The following CHL1 variants were observed in gnomAD, a reference collection of about 807,000 sequenced individuals.
CHL1 encodes the protein cell adhesion molecule L1 like, also known as neural cell adhesion molecule L1-like protein.
A neutral mutation model predicts 141.9 loss-of-function variants in CHL1; 96 were observed. That is an observed-to-expected ratio of 0.68 (90% CI 0.57 to 0.80). CHL1 has a LOEUF of 0.80. Ranked by LOEUF, CHL1 falls within the 30% of genes least tolerant of loss-of-function variation. The pLI is 0.00. For missense variants in CHL1, 1,820 were observed against 1,457.2 expected (o/e 1.25, Z -4.05); for synonymous variants, 613 against 502.2 (o/e 1.22, Z -2.95).
intron 2 of CHL1, among the ~76,000 whole-genome samples, chr3:276,421 G>A (rs1038568082): frequency 4.6e-5 from 7 of 152,154 alleles, no homozygotes; most frequent in African/African-American, 1.7e-4. Context: ...TTGGAAGAAA[G>A]CTGGTGTTTT....
intron 2 of CHL1, among the ~76,000 whole-genome samples, chr3:259,464 A>G (rs574399977): frequency 6.6e-6 from 1 of 152,228 alleles, no homozygotes; most frequent in South Asian, 2.1e-4. Flanking sequence ...GAAGCTAGGC[A>G]TCAATTTTAT....
rs564350302 is a variant in CHL1, at chr3:407,605, A to T, written c.*1894A>T. 1 of 152,176 alleles carries T rather than the reference A, an allele frequency of 6.6e-6. No individual in the cohort carries two copies. Among genetic ancestry groups the T allele is most frequent in the Admixed American group, 6.6e-5 (1 of 15,266 alleles). 9.4% of individuals were successfully genotyped at this position (152,176 alleles called of 1,614,324 possible). On this transcript the variant is annotated 3_prime_UTR_variant, in exon 28 of 28. Coordinates refer to ENST00000256509, the MANE Select transcript of CHL1 (RefSeq NM_006614.4). ...CCAGTTTTCTGGAGGGACAGTCATC[A>T]TGTTTTGATTTATCTGGGAGAAAAC...
intron 1 of CHL1, among the ~76,000 whole-genome samples, chr3:238,481 A>AT (rs1322710646): frequency 2.0e-5 from 3 of 152,206 alleles, no homozygotes; most frequent in African/African-American, 7.2e-5. Flanking sequence ...TAGAATAGGC[A>AT]TTTTTTGTCA....
At chr3:308,522 T>TGATA (rs147303227) in intron 2 of CHL1, among the ~76,000 whole-genome samples, 1 of 151,700 alleles carries the variant, frequency 6.6e-6, no homozygotes, top group Non-Finnish European at 1.5e-5. Context: ...GATAGACAGC[T>TGATA]GATAGATAGA....
intron 3 of CHL1, 54 bp downstream of exon 3, chr3:319,921 T>C: frequency 9.8e-7 from 1 of 1,017,558 alleles, no homozygotes; most frequent in Admixed American, 2.0e-5. Flanking sequence ...TGCATTTTGA[T>C]TTTTAAGTAG....
At chr3:404,538 G>T (rs6807794) in intron 27 of CHL1, among the ~76,000 whole-genome samples, 16,390 of 152,036 alleles carry the variant, frequency 0.11, 2,010 homozygotes, top group African/African-American at 0.3. Flanking sequence ...TTCTGTTCAT[G>T]AATAAAACAC....
At chr3:300,500 T>C (rs1163604816) in intron 2 of CHL1, among the ~76,000 whole-genome samples, 1 of 152,150 alleles carries the variant, frequency 6.6e-6, no homozygotes, top group Admixed American at 6.6e-5. Flanking sequence ...TAAGCTATAA[T>C]TTTTACTATA....
In CHL1 at chr3:199,785, G is replaced by A. The variant is rs141355310; in HGVS notation, c.-175+2722G>A. Among the ~76,000 whole-genome samples, 35 of 152,208 alleles carry A rather than the reference G, an allele frequency of 2.3e-4. No homozygotes were observed. In the South Asian group the frequency reaches 2.5e-3, roughly 11 times the overall value. The stretch of plus-strand genomic sequence containing the variant: ...GCTTCTGAAATCTTTGAAGATAGGA[G>A]GTTATTTGCCCCAAAATTGCTTTGT... On this transcript the variant is annotated intron_variant, in intron 1 of 27. Transcript: ENST00000256509.
chr3:394,706 C>A lies in CHL1; in HGVS notation c.2928C>A (p.Tyr976Ter). 6.2e-7 allele frequency: 1 copy of A among 1,609,268 alleles called. No individual in the cohort carries two copies. The highest frequency in any genetic ancestry group is 8.5e-7 in the Non-Finnish European group (1 of 1,177,748). ...TTATTTTTTTAGTAAATGACACCTA[C>A]GAGATTGGAGAATTAAATGATATTA... ...LLQYQIINDT[Y>*]EIGELNDINI... is the part of the protein sequence containing the mutation. The change falls in exon 24 of 28, where the codon TAC becomes TAA. Residue 976 changes from tyrosine to a stop codon, truncating the protein, a stop_gained. Coordinates refer to ENST00000256509, the MANE Select transcript of CHL1 (RefSeq NM_006614.4). LOFTEE classifies it high-confidence loss of function.
At chr3:326,377 C>T (rs760442527) in intron 4 of CHL1, among the ~76,000 whole-genome samples, 2 of 151,948 alleles carry the variant, frequency 1.3e-5, no homozygotes, top group Admixed American at 6.6e-5. Context: ...CTAGAAGATC[C>T]TTTATTCTAC....
rs536589186 is a variant in CHL1 at position 347,014 on chromosome 3, C to G, written c.848+2305C>G. On this transcript the variant is annotated intron_variant, in intron 9 of 27. Transcript: ENST00000256509. ...ATCTCAAGATAGGTCTATATCTTGGCAAGAATTTCCAGCTATATTCTTGCA... is the reference window on the plus strand; with the variant it reads ...ATCTCAAGATAGGTCTATATCTTGGGAAGAATTTCCAGCTATATTCTTGCA... Among the ~76,000 whole-genome samples, 51 of 152,176 alleles carry G rather than the reference C, an allele frequency of 3.4e-4. No individual in the cohort carries two copies. The Middle Eastern group carries it at 0.01, about 30-fold the overall frequency.
Position 383,738 on chromosome 3 carries a change from T to TG in CHL1, c.2177-72dup, listed in dbSNP as rs967467855. 5.8e-6 allele frequency: 5 copies of TG among 868,558 alleles called. No individual in the cohort carries two copies. The South Asian group carries it at 6.2e-5, about 11-fold the overall frequency. The allele number at this position is 868,558 out of a possible 1,614,324, so 53.8% of individuals were successfully genotyped here. A position where few individuals can be genotyped will look rare whatever the true frequency, so the allele number is the denominator to read the frequency against. Reference sequence around the variant, plus strand: ...AAACTTACTTAATTATCTGTGTTTTTGGGGGGCAGGAGTTGTGATATGATG... The same window carrying TG: ...AAACTTACTTAATTATCTGTGTTTTTGGGGGGGCAGGAGTTGTGATATGATG... On this transcript the variant is annotated intron_variant, in intron 18 of 27. Coordinates refer to ENST00000256509, the MANE Select transcript of CHL1 (RefSeq NM_006614.4).
chr3:376,330 G>C (rs1706313576), intron 15 of CHL1: 1 of 492,184 alleles, frequency 2.0e-6, no homozygotes, highest in South Asian at 1.5e-5. Flanking sequence ...AATTATCCAG[G>C]CTTCATGTTC....
In CHL1 at chr3:408,994, C is replaced by T. The variant is rs956815172; in HGVS notation, c.*3283C>T. 1.3e-5 allele frequency: 2 copies of T among 152,066 alleles called. No homozygotes were observed. The highest frequency in any genetic ancestry group is 1.9e-4 in the East Asian group (1 of 5,162). 9.4% of individuals were successfully genotyped at this position (152,066 alleles called of 1,614,324 possible). On this transcript the variant is annotated 3_prime_UTR_variant, in exon 28 of 28. Coordinates refer to ENST00000256509, the MANE Select transcript of CHL1 (RefSeq NM_006614.4). ...GACAATAATGAGAAATGTTGGTGTG[C>T]TTTTCTAAGCATTTAAAACATAATT... is the stretch of plus-strand genomic sequence containing the variant.
At chr3:234,554 C>T (rs115838372) in intron 1 of CHL1, among the ~76,000 whole-genome samples, 2,572 of 152,136 alleles carry the variant, frequency 0.017, 31 homozygotes, top group Middle Eastern at 0.027. Flanking sequence ...TAAAGGAAAA[C>T]AGAAAGTTTA....
intron 15 of CHL1, among the ~76,000 whole-genome samples, chr3:374,989 GATGCAGTA>G (rs1706133833): frequency 6.6e-6 from 1 of 152,092 alleles, no homozygotes; most frequent in South Asian, 2.1e-4. Flanking sequence ...CTTGTGTAGG[GATGCAGTA>G]AGTGCTGGGA....
chr3:198,769 G>A (rs1054625771), intron 1 of CHL1, among the ~76,000 whole-genome samples: 1 of 152,094 alleles, frequency 6.6e-6, no homozygotes. Flanking sequence ...TTTCATTGAA[G>A]TAAAAATTCT....
chr3:372,010 C>T (rs553439763), intron 15 of CHL1, among the ~76,000 whole-genome samples: 1 of 152,250 alleles, frequency 6.6e-6, no homozygotes, highest in Admixed American at 6.5e-5. Flanking sequence ...TGTAGGTGAC[C>T]TGGCCTTTCT....
In CHL1 at chr3:390,728, G is replaced by A. The variant is rs1313244100; in HGVS notation, c.2498G>A (p.Gly833Glu). ...DYPDTAPVIH[G>E]VDVINSTLVK... is the part of the protein sequence containing the mutation. ...CCTGATACAGCTCCAGTGATCCATG[G>A]GGTGGACGTTATAAACAGTACATTA... Residue 833 changes from glycine to glutamate, a missense_variant, in exon 21 of 28, where the codon GGG becomes GAG. By Grantham distance (98) the Gly-to-Glu change is moderately conservative. Transcript: ENST00000256509. 3 of 1,604,832 alleles carry A rather than the reference G, an allele frequency of 1.9e-6. No homozygotes were observed. The highest frequency in any genetic ancestry group is 2.6e-6 in the Non-Finnish European group (3 of 1,171,736).
Sources: gnomAD v4.1 joint callset for allele counts (sites outside exome capture counted in the v4.1 genomes callset) on GRCh38, gnomAD v4.1.1 for gene constraint, MANE v1.5 for transcripts, NCBI Gene and HGNC (gene_info 2026-07-23, HGNC 2026-07-21) for gene names.